The following RAB11B variants were observed in gnomAD, a reference collection of about 807,000 sequenced individuals.
RAB11B encodes the protein ras-related protein Rab-11B.
In RAB11B, 7 loss-of-function variants were observed where a neutral mutation model predicts 23.7. The ratio of observed to expected loss-of-function variants is 0.29; its 90% CI spans 0.17 to 0.55. The LOEUF is 0.55. RAB11B is among the 20% of genes least tolerant of loss of function. The pLI, the probability that RAB11B is intolerant of heterozygous loss-of-function variation, is 0.93. For missense variants in RAB11B, 189 were observed against 320.0 expected, an observed-to-expected ratio of 0.59 and a Z score of 3.12; for synonymous variants, 138 against 132.0, an observed-to-expected ratio of 1.05 and a Z score of -0.31.
intron 1 of RAB11B, among the ~76,000 whole-genome samples, chr19:8,395,410 G>A (rs1217851737): frequency 6.6e-6 from 1 of 151,380 alleles, no homozygotes; most frequent in African/African-American, 2.4e-5. Flanking sequence ...CACCACACCC[G>A]GCTAATTTTT....
chr19:8,403,840 G>A lies in RAB11B; in HGVS notation c.*282G>A, dbSNP rs1250595691. ...AGGATGGACGGGGCTGGCCAGAGGC[G>A]AGGAGGACGGGCGGACGGCGCCGCC... On this transcript the variant is annotated 3_prime_UTR_variant, in exon 5 of 5. Transcript: ENST00000328024. 3 of 399,456 alleles carry A rather than the reference G, an allele frequency of 7.5e-6. No individual in the cohort carries two copies. Among genetic ancestry groups the A allele is most frequent in the South Asian group, 1.0e-4 (2 of 19,980 alleles). The allele number at this position is 399,456 out of a possible 1,614,324, so 24.7% of individuals were successfully genotyped here.
intron 1 of RAB11B, among the ~76,000 whole-genome samples, chr19:8,392,429 G>A (rs1971362437): frequency 6.6e-6 from 1 of 151,402 alleles, no homozygotes; most frequent in Non-Finnish European, 1.5e-5. Flanking sequence ...AGCTTCTGCG[G>A]CATCTGGCAT....
intron 1 of RAB11B, among the ~76,000 whole-genome samples, chr19:8,392,706 T>TTTC (rs935354919): frequency 6.9e-6 from 1 of 144,050 alleles, no homozygotes; most frequent in African/African-American, 2.7e-5. Context: ...TTTTTTTTTT[T>TTTC]TGAGACAGAA....
intron 1 of RAB11B, among the ~76,000 whole-genome samples, chr19:8,399,403 TC>T (rs1373004891): frequency 6.6e-6 from 1 of 152,198 alleles, no homozygotes; most frequent in Non-Finnish European, 1.5e-5. Context: ...TGCTCTTACT[TC>T]CTCCTCCTGT....
At chr19:8,398,804 G>T (rs1355637319) in intron 1 of RAB11B, among the ~76,000 whole-genome samples, 1 of 152,026 alleles carries the variant, frequency 6.6e-6, no homozygotes, top group African/African-American at 2.4e-5. Context: ...TTCGTGGGGG[G>T]AGACAGAATC....
intron 1 of RAB11B, 92 bp downstream of exon 1, chr19:8,390,548 C>G: frequency 7.8e-7 from 1 of 1,276,446 alleles, no homozygotes; most frequent in Non-Finnish European, 1.0e-6. Flanking sequence ...TGGGCCCAGG[C>G]CGGAGCCCGG....
chr19:8,390,481 G>A (rs1173698015), intron 1 of RAB11B, 25 bp downstream of exon 1: 15 of 1,485,634 alleles, frequency 1.0e-5, no homozygotes, highest in Non-Finnish European at 1.3e-5. Context: ...GCACAGACGG[G>A]CGAAGTCGTG....
chr19:8,402,411 G>A (rs1253426595), intron 3 of RAB11B, 74 bp from the exon 4 acceptor site: 2 of 1,565,766 alleles, frequency 1.3e-6, no homozygotes, highest in East Asian at 2.2e-5. Flanking sequence ...AGGTGGGTGG[G>A]CGGGGTCCCT....
Position 8,404,420 on chromosome 19 carries a change from C to T in RAB11B, c.*862C>T, listed in dbSNP as rs1343127827. ...CCCGTTACTGAAATGTATAATCTGA[C>T]TTCCTGTACAGAAACCTGCCGCTGC... is the stretch of plus-strand genomic sequence containing the variant. On this transcript the variant is annotated 3_prime_UTR_variant, in exon 5 of 5. Coordinates refer to ENST00000328024, the MANE Select transcript of RAB11B (RefSeq NM_004218.4). 1 of 152,232 alleles carries T rather than the reference C, an allele frequency of 6.6e-6. No individual in the cohort carries two copies. Among genetic ancestry groups the T allele is most frequent in the African/African-American group, 2.4e-5 (1 of 41,444 alleles). The allele number at this position is 152,232 out of a possible 1,614,324, so 9.4% of individuals were successfully genotyped here. A position where few individuals can be genotyped will look rare whatever the true frequency, so the allele number is the denominator to read the frequency against.
chr19:8,396,977 G>A lies in RAB11B; in HGVS notation c.41-2886G>A, dbSNP rs111906880. Among the ~76,000 whole-genome samples, 1,603 of 152,332 alleles carry A rather than the reference G, an allele frequency of 0.011. 41 individuals are homozygous for A. The highest frequency in any genetic ancestry group is 0.036 in the African/African-American group (1,505 of 41,572). On this transcript the variant is annotated intron_variant, in intron 1 of 4. Coordinates refer to ENST00000328024, the MANE Select transcript of RAB11B (RefSeq NM_004218.4). The surrounding 1 kb of genome is among the most constrained non-coding windows in gnomAD (Gnocchi z 5.0). ...GAATCGCCCAGGGAGACATGGTGGGGTGCACCCCTCGTCCTCCCTTCTCTT... is the reference window on the plus strand; with the variant it reads ...GAATCGCCCAGGGAGACATGGTGGGATGCACCCCTCGTCCTCCCTTCTCTT...
intron 1 of RAB11B, among the ~76,000 whole-genome samples, chr19:8,394,908 C>T (rs148029293): frequency 5.2e-4 from 79 of 152,198 alleles, no homozygotes; most frequent in African/African-American, 1.8e-3. Flanking sequence ...CCAGCCTGGG[C>T]GAGGGAGATT....
At position 8,402,495 on chromosome 19, in the gene RAB11B, C is replaced by T. The variant is rs753158055; in HGVS notation, c.441C>T (p.Asn147=). 2.5e-6 allele frequency: 4 copies of T among 1,613,586 alleles called. No homozygotes were observed. Among genetic ancestry groups the T allele is most frequent in the East Asian group, 2.2e-5 (1 of 44,880 alleles). The part of the protein sequence containing the change: ...DEARAFAEKN[N]LSFIETSALD... ...TATTCTTTGTTCCAGAAAAGAACAA[C>T]TTGTCCTTCATCGAGACCTCAGCCT... The change falls in exon 4 of 5, where the codon AAC becomes AAT. Residue 147 remains asparagine (N), a synonymous_variant. Coordinates refer to ENST00000328024, the MANE Select transcript of RAB11B (RefSeq NM_004218.4).
chr19:8,400,450 C>A lies in RAB11B; in HGVS notation c.236+392C>A, dbSNP rs535593600. On this transcript the variant is annotated intron_variant, in intron 2 of 4. Transcript: ENST00000328024. ...TCCATTCCCTGCAAAGGCTTCCCAG[C>A]CATCAGGACCCACTCAGCTGCCTTT... is the stretch of plus-strand genomic sequence containing the variant. The A allele has an allele frequency of 1.7e-5, 4 of 231,204 alleles. No homozygotes were observed. The South Asian group carries it at 3.0e-4, about 17-fold the overall frequency. The allele number at this position is 231,204 out of a possible 1,614,324, so 14.3% of individuals were successfully genotyped here.
At chr19:8,400,266 C>G in intron 2 of RAB11B, 1 of 642,272 alleles carries the variant, frequency 1.6e-6, no homozygotes, top group Non-Finnish European at 2.7e-6. Context: ...CAGGGTATCT[C>G]TGGGTACCAA....
Position 8,403,290 on chromosome 19 carries a change from CT to C in RAB11B, c.512-122del, listed in dbSNP as rs890272959. 26 of 1,292,078 alleles carry C rather than the reference CT, an allele frequency of 2.0e-5. No individual in the cohort carries two copies. The African/African-American group carries it at 3.1e-4, about 16-fold the overall frequency. The allele number at this position is 1,292,078 out of a possible 1,614,324, so 80.0% of individuals were successfully genotyped here. On this transcript the variant is annotated intron_variant, in intron 4 of 4. Transcript: ENST00000328024. ...TGCGCAGCCCCTGTCCTTGTTACCCCTGATGTGATGGGGGCGCTGTGGGGGT... is the reference window on the plus strand; with the variant it reads ...TGCGCAGCCCCTGTCCTTGTTACCCCGATGTGATGGGGGCGCTGTGGGGGT...
intron 1 of RAB11B, among the ~76,000 whole-genome samples, chr19:8,394,132 C>T (rs1268236947): frequency 6.6e-6 from 1 of 152,194 alleles, no homozygotes; most frequent in East Asian, 1.9e-4. Context: ...CTCTCTGCAT[C>T]GGGCACCCAG....
chr19:8,401,841 T>C (rs1971440002), intron 2 of RAB11B, among the ~76,000 whole-genome samples: 1 of 152,212 alleles, frequency 6.6e-6, no homozygotes. Flanking sequence ...CTTTTTTTGA[T>C]GACCTCACGG....
At chr19:8,395,279 T>TC (rs1971388171) in intron 1 of RAB11B, among the ~76,000 whole-genome samples, 1 of 148,590 alleles carries the variant, frequency 6.7e-6, no homozygotes, top group Non-Finnish European at 1.5e-5. Context: ...TTCTTTTTTT[T>TC]TTTTTTTTTT....
At chr19:8,402,893 G>C (rs1971449793) in intron 4 of RAB11B, 1 of 476,562 alleles carries the variant, frequency 2.1e-6, no homozygotes, top group South Asian at 2.6e-5. Context: ...GAACTCCTGG[G>C]CTCAAGTGAT....
Sources: allele counts gnomAD v4.1 joint callset (sites outside exome capture counted in the v4.1 genomes callset), GRCh38; gene constraint gnomAD v4.1.1; non-coding constraint Gnocchi (gnomAD v3.1); transcripts MANE v1.5; gene names NCBI Gene and HGNC (gene_info 2026-07-23, HGNC 2026-07-21).